BRAF: variants seen among roughly 807,000 people sequenced by gnomAD.
BRAF encodes B-Raf proto-oncogene, serine/threonine kinase, also known as serine/threonine-protein kinase B-raf.
BRAF carries 16 observed loss-of-function variants against 104.6 expected under a neutral mutation model. That is an observed-to-expected ratio of 0.15 (90% confidence interval 0.10 to 0.23). The LOEUF (loss-of-function observed/expected upper bound fraction) is 0.23, where lower values mean the gene tolerates loss of function less well. BRAF is among the 10% of genes least tolerant of loss of function. The pLI is 1.00. For synonymous variants in BRAF, 310 were observed against 341.6 expected (o/e 0.91, Z 1.02); for missense variants, 541 against 937.3 (o/e 0.58, Z 5.52).
At chr7:140,728,991 C>T (rs1276205990) in intron 19 of BRAF, among the ~76,000 whole-genome samples, 4 of 148,090 alleles carry the variant, frequency 2.7e-5, no homozygotes, top group Admixed American at 1.4e-4. Context: ...TTCAGGAGGC[C>T]GAGGCAGGAG....
downstream of BRAF, among the ~76,000 whole-genome samples, chr7:140,717,702 T>C (rs1393845602): frequency 6.6e-6 from 1 of 152,186 alleles, no homozygotes; most frequent in Non-Finnish European, 1.5e-5. Flanking sequence ...AACCAAAGTG[T>C]CCATAGTTCT....
intron 13 of BRAF, among the ~76,000 whole-genome samples, chr7:140,777,659 C>T (rs1800463861): frequency 6.6e-6 from 1 of 152,100 alleles, no homozygotes; most frequent in South Asian, 2.1e-4. Flanking sequence ...AATTCCAGAG[C>T]CCAGGACTAA....
At chr7:140,874,532 TA>T (rs71659759) in intron 1 of BRAF, among the ~76,000 whole-genome samples, 14,648 of 80,908 alleles carry the variant, frequency 0.18, 908 homozygotes, top group Middle Eastern at 0.31. Context: ...AGAAAAAAAG[TA>T]AAAAAAAAAA....
chr7:140,741,415 C>T (rs564389726), intron 17 of BRAF: 2 of 152,180 alleles, frequency 1.3e-5, no homozygotes, highest in Non-Finnish European at 2.9e-5. Context: ...ATAATGCCCT[C>T]CCTCACCCTT....
intron 17 of BRAF, chr7:140,747,410 C>CCA: frequency 7.8e-7 from 1 of 1,288,200 alleles, no homozygotes; most frequent in Non-Finnish European, 1.0e-6. Flanking sequence ...TAAGCCCTTG[C>CCA]CACATCATTT....
rs10261295 is a variant in BRAF, at chr7:140,824,927, T to A, written c.504+9682A>T. The stretch of plus-strand genomic sequence containing the variant: ...TTTATTACCATCCATATATCTTTGA[T>A]GAAACTGTTCAAATCCTTTGTCCGT... On this transcript the variant is annotated intron_variant, in intron 3 of 19. Coordinates refer to ENST00000644969, the MANE Select transcript of BRAF (RefSeq NM_001374258.1). 5.0e-3 allele frequency among the ~76,000 whole-genome samples: 762 copies of A among 152,172 alleles called. 5 individuals carry two copies. Among genetic ancestry groups the A allele is most frequent in the African/African-American group, 0.017 (726 of 41,532 alleles).
chr7:140,724,499 C>A lies in BRAF; in HGVS notation c.*1995G>T. The A allele has an allele frequency of 9.5e-7, 1 of 1,051,522 alleles. No individual in the cohort carries two copies. The highest frequency in any genetic ancestry group is 1.1e-6 in the Non-Finnish European group (1 of 870,708). The allele number at this position is 1,051,522 out of a possible 1,614,324, so 65.1% of individuals were successfully genotyped here. A position where few individuals can be genotyped will look rare whatever the true frequency, so the allele number is the denominator to read the frequency against. The stretch of plus-strand genomic sequence containing the variant: ...CTGAATTTTGTAAGACACTGCCCTG[C>A]TGATGTAAAACTTAAAAACAAATTT... On this transcript the variant is annotated 3_prime_UTR_variant, in exon 20 of 20. Transcript: ENST00000644969.
intron 3 of BRAF, among the ~76,000 whole-genome samples, chr7:140,833,566 C>T (rs1807015362): frequency 6.6e-6 from 1 of 151,980 alleles, no homozygotes; most frequent in African/African-American, 2.4e-5. Context: ...TTTATTCTAC[C>T]CAACAGAATA....
At chr7:140,764,180 G>A (rs1799071451) in intron 14 of BRAF, among the ~76,000 whole-genome samples, 1 of 151,564 alleles carries the variant, frequency 6.6e-6, no homozygotes, top group Non-Finnish European at 1.5e-5. Flanking sequence ...CATATAAACA[G>A]AACCAAAGAC....
At chr7:140,870,134 AG>A (rs1231070394) in intron 1 of BRAF, among the ~76,000 whole-genome samples, 1 of 152,156 alleles carries the variant, frequency 6.6e-6, no homozygotes, top group African/African-American at 2.4e-5. Flanking sequence ...TCTTGTCATG[AG>A]GGTGCAGGAG....
At position 140,719,826 on chromosome 7, in the gene BRAF, A is replaced by C. The variant is rs1024310252; in HGVS notation, c.*6668T>G. On this transcript the variant is annotated 3_prime_UTR_variant, in exon 20 of 20. Transcript: ENST00000644969. The stretch of plus-strand genomic sequence containing the variant: ...CATCTTTTCACTGGGCACGCCCCAG[A>C]CTCCACGAGAACCTTTTCAATGCTT... 1.9e-6 allele frequency: 2 copies of C among 1,063,132 alleles called. No individual in the cohort carries two copies. Among genetic ancestry groups the C allele is most frequent in the Non-Finnish European group, 2.3e-6 (2 of 878,016 alleles). 65.9% of individuals were successfully genotyped at this position (1,063,132 alleles called of 1,614,324 possible).
In BRAF at chr7:140,827,647, C is replaced by T. The variant is rs146808956; in HGVS notation, c.504+6962G>A. Among the ~76,000 whole-genome samples, 23 of 152,284 alleles carry T rather than the reference C, an allele frequency of 1.5e-4. No homozygotes were observed. In the Middle Eastern group the frequency reaches 0.017, roughly 113 times the overall value. ...CTACCTTTGTGACACAGGCTGAAGG[C>T]CCAGTGTTGTATTCCCACACATTGA... On this transcript the variant is annotated intron_variant, in intron 3 of 19. Coordinates refer to ENST00000644969, the MANE Select transcript of BRAF (RefSeq NM_001374258.1).
chr7:140,756,018 T>C (rs192020054), intron 14 of BRAF, among the ~76,000 whole-genome samples: 17 of 152,254 alleles, frequency 1.1e-4, no homozygotes, highest in Non-Finnish European at 1.9e-4. Context: ...TGGGATGGTG[T>C]TAATCCTTTC....
At chr7:140,807,873 T>C (rs556332641) in intron 5 of BRAF, 87 bp downstream of exon 5, 8 of 1,035,444 alleles carry the variant, frequency 7.7e-6, no homozygotes, top group Admixed American at 5.9e-5. Flanking sequence ...AAATTACTCA[T>C]CCATATTTCA....
chr7:140,754,262 A>G (rs1212929539), intron 14 of BRAF, 29 bp from the exon 14 acceptor site: 1 of 1,608,736 alleles, frequency 6.2e-7, no homozygotes, highest in Non-Finnish European at 8.5e-7. Flanking sequence ...TTTTAACCTG[A>G]GTAGGGCTAA....
chr7:140,772,014 A>G (rs552497997), intron 14 of BRAF, among the ~76,000 whole-genome samples: 8 of 152,178 alleles, frequency 5.3e-5, no homozygotes, highest in Non-Finnish European at 1.2e-4. Flanking sequence ...CAAGATGAAC[A>G]GTATTGGAAA....
In BRAF at chr7:140,722,711, G is replaced by A. The variant is rs543136743; in HGVS notation, c.*3783C>T. ...TCTTTCTATGAATGCCTGTGCATGTGACAAAGCTGCAGCAAACTCATTATG... is the reference window on the plus strand; with the variant it reads ...TCTTTCTATGAATGCCTGTGCATGTAACAAAGCTGCAGCAAACTCATTATG... On this transcript the variant is annotated 3_prime_UTR_variant, in exon 20 of 20. Coordinates refer to ENST00000644969, the MANE Select transcript of BRAF (RefSeq NM_001374258.1). 2,033 of 1,050,942 alleles carry A rather than the reference G, an allele frequency of 1.9e-3. 4 individuals carry two copies. Among genetic ancestry groups the A allele is most frequent in the Admixed American group, 2.4e-3 (43 of 18,264 alleles). 65.1% of individuals were successfully genotyped at this position (1,050,942 alleles called of 1,614,324 possible).
At chr7:140,783,246 T>TA in intron 10 of BRAF, 89 bp from the exon 10 acceptor site, 1 of 1,506,232 alleles carries the variant, frequency 6.6e-7, no homozygotes, top group South Asian at 1.2e-5. Context: ...TATTTAGACT[T>TA]AATTTTAAAA....
chr7:140,850,297 T>A, intron 1 of BRAF, 85 bp from the exon 2 acceptor site: 2 of 1,030,694 alleles, frequency 1.9e-6, no homozygotes, highest in Non-Finnish European at 2.9e-6. Flanking sequence ...TACATCACAG[T>A]AACTGCCAGT....
Sources: gnomAD v4.1 joint callset for allele counts (sites outside exome capture counted in the v4.1 genomes callset) on GRCh38, gnomAD v4.1.1 for gene constraint, MANE v1.5 for transcripts, NCBI Gene and HGNC (gene_info 2026-07-23, HGNC 2026-07-21) for gene names.